The following CSMD2 variants were observed in gnomAD, a reference collection of about 807,000 sequenced individuals.
CSMD2 encodes the protein CUB and Sushi multiple domains 2, also known as CUB and sushi domain-containing protein 2.
In CSMD2, 130 loss-of-function variants were observed where a neutral mutation model predicts 398.5. That is an observed-to-expected ratio of 0.33 (90% CI 0.28 to 0.38). The LOEUF (loss-of-function observed/expected upper bound fraction) is 0.38. Among genes scored for constraint, CSMD2 ranks in the 10% least tolerant of loss-of-function variants. CSMD2 has a pLI of 1.00. For missense variants in CSMD2, 3,829 were observed against 4,764.9 expected (o/e 0.80, Z 5.78); for synonymous variants, 1,828 against 1,908.5 (o/e 0.96, Z 1.10).
At chr1:33,535,144 T>G (rs1033219295) in intron 62 of CSMD2, among the ~76,000 whole-genome samples, 1 of 152,196 alleles carries the variant, frequency 6.6e-6, no homozygotes, top group African/African-American at 2.4e-5. Flanking sequence ...TTATGTGATA[T>G]CCGACATACA....
rs371450400 is a variant in CSMD2, at chr1:33,578,167, G to A, written c.7388-683C>T. Among the ~76,000 whole-genome samples the A allele has an allele frequency of 4.1e-4, 62 of 152,288 alleles. 1 individual carries two copies. In the South Asian group the frequency reaches 0.013, roughly 31 times the overall value. On this transcript the variant is annotated intron_variant, in intron 48 of 70. Coordinates refer to ENST00000373381, the MANE Select transcript of CSMD2 (RefSeq NM_001281956.2). ...CCTGGGACACACATTTCCCTACAGT[G>A]CTCATTTCCCCTCCACATATGGCTT...
At chr1:33,720,204 G>A (rs1294315924) in intron 19 of CSMD2, among the ~76,000 whole-genome samples, 1 of 152,202 alleles carries the variant, frequency 6.6e-6, no homozygotes, top group African/African-American at 2.4e-5. Context: ...TGCTTCTTGA[G>A]TTCCTTATGT....
intron 29 of CSMD2, 56 bp downstream of exon 29, chr1:33,646,592 C>T: frequency 2.5e-6 from 4 of 1,580,284 alleles, no homozygotes; most frequent in South Asian, 1.1e-5. Flanking sequence ...CACTACTTGC[C>T]CTCTGCCTTG....
rs1653566546 is a variant in CSMD2 at position 33,514,289 on chromosome 1, T to C, written c.*2335A>G. 6.6e-6 allele frequency: 1 copy of C among 152,326 alleles called. No homozygotes were observed. The highest frequency in any genetic ancestry group is 1.5e-5 in the Non-Finnish European group (1 of 67,984). The allele number at this position is 152,326 out of a possible 1,614,324, so 9.4% of individuals were successfully genotyped here. ...AAAAAAAAATTTACACCTTTTTTTT[T>C]TTCTTTTTTGGTACTGTACAAACTT... On this transcript the variant is annotated 3_prime_UTR_variant, in exon 71 of 71. Coordinates refer to ENST00000373381, the MANE Select transcript of CSMD2 (RefSeq NM_001281956.2).
chr1:33,714,500 C>A, intron 21 of CSMD2, 87 bp downstream of exon 21: 1 of 1,473,060 alleles, frequency 6.8e-7, no homozygotes, highest in Non-Finnish European at 9.3e-7. Flanking sequence ...GCCTCTTGGC[C>A]TGTGTGCCGT....
chr1:33,739,342 G>A lies in CSMD2; in HGVS notation c.2174-8C>T. 1.9e-6 allele frequency: 3 copies of A among 1,608,748 alleles called. No individual in the cohort carries two copies. The highest frequency in any genetic ancestry group is 2.5e-6 in the Non-Finnish European group (3 of 1,177,314). On this transcript the variant is annotated splice_polypyrimidine_tract_variant and splice_region_variant and intron_variant, in intron 14 of 70. Transcript: ENST00000373381. ...ACTCGTTGTGTCGGAAGGCTGTGTA[G>A]ATGGAGTTCAAGGACATGATCAGAC...
rs558354645 is a variant in CSMD2, at chr1:33,758,470, T to C, written c.1846+14099A>G. 2.6e-5 allele frequency among the ~76,000 whole-genome samples: 4 copies of C among 152,342 alleles called. No individual in the cohort carries two copies. In the East Asian group the frequency reaches 7.7e-4, roughly 29 times the overall value. On this transcript the variant is annotated intron_variant, in intron 13 of 70. Coordinates refer to ENST00000373381, the MANE Select transcript of CSMD2 (RefSeq NM_001281956.2). ...CTTTGTTTATATAATAGCAGCAATATAACACTACTAATAATAATTGTAACA... is the reference window on the plus strand; with the variant it reads ...CTTTGTTTATATAATAGCAGCAATACAACACTACTAATAATAATTGTAACA...
At chr1:34,035,283 A>T (rs902258151) in intron 2 of CSMD2, among the ~76,000 whole-genome samples, 5 of 152,174 alleles carry the variant, frequency 3.3e-5, no homozygotes, top group African/African-American at 1.2e-4. Context: ...TCTACCAAAC[A>T]TATAAAGAAG....
chr1:33,696,549 T>C (rs1645425714), intron 24 of CSMD2, among the ~76,000 whole-genome samples: 1 of 152,082 alleles, frequency 6.6e-6, no homozygotes, highest in African/African-American at 2.4e-5. Context: ...GGGAGGAGGC[T>C]TGACTGGTTC....
At position 33,521,529 on chromosome 1, in the gene CSMD2, C is replaced by T. The variant is rs1362410913; in HGVS notation, c.10531G>A (p.Ala3511Thr). ...DGHVSSESSG[A>T]TFIYQGSVKG... is the part of the protein sequence containing the mutation. ...ACAGAGCCTTGGTAGATGAAGGTGG[C>T]TCCGGAGGACTCTGACGAGACCTGT... Residue 3511 changes from alanine to threonine, a missense_variant, in exon 68 of 71, where the codon GCC (alanine) becomes ACC (threonine). Transcript: ENST00000373381. 5.6e-6 allele frequency: 9 copies of T among 1,612,590 alleles called. No homozygotes were observed. Among genetic ancestry groups the T allele is most frequent in the East Asian group, 2.2e-5 (1 of 44,886 alleles).
intron 6 of CSMD2, among the ~76,000 whole-genome samples, chr1:33,827,334 G>T (rs7527126): frequency 6.6e-6 from 1 of 152,062 alleles, no homozygotes; most frequent in Non-Finnish European, 1.5e-5. Context: ...ATTTGGCCTC[G>T]ATTGCTCTTC....
intron 7 of CSMD2, among the ~76,000 whole-genome samples, chr1:33,825,151 GA>G (rs915364151): frequency 1.3e-5 from 1 of 78,722 alleles, no homozygotes; most frequent in African/African-American, 9.3e-5. Context: ...CCCAAGAAGA[GA>G]GCCCCCAGTG....
rs778890648 is a variant in CSMD2 at position 33,577,482 on chromosome 1, G to A, written c.7390C>T (p.Pro2464Ser). ...GGAGCCCTGGGCAGGCTGCAGTAAG[G>A]GGCTGAACAACAAGATGAGGTTCAG... ...RKGFKIRYSA[P>S]YCSLPRAPLH... is the part of the protein sequence containing the mutation. The change falls in exon 49 of 71, where the codon CCT becomes TCT. Residue 2464 changes from proline to serine, a missense_variant and splice_region_variant. By Grantham distance (74) the Pro-to-Ser change is moderately conservative. Transcript: ENST00000373381. The A allele has an allele frequency of 6.2e-7, 1 of 1,605,482 alleles. No homozygotes were observed. Among genetic ancestry groups the A allele is most frequent in the South Asian group, 1.1e-5 (1 of 90,374 alleles).
chr1:33,650,963 C>T (rs1322700738), intron 28 of CSMD2, among the ~76,000 whole-genome samples: 1 of 152,192 alleles, frequency 6.6e-6, no homozygotes, highest in Non-Finnish European at 1.5e-5. Context: ...TCTTCTTTCA[C>T]TCAGCATAAT....
chr1:33,948,271 G>A (rs1644899402), intron 3 of CSMD2, among the ~76,000 whole-genome samples: 2 of 152,172 alleles, frequency 1.3e-5, no homozygotes, highest in African/African-American at 4.8e-5. Flanking sequence ...CAGGTCCTCT[G>A]AAGTCATAGA....
At chr1:33,545,923 CA>C in intron 57 of CSMD2, 113 bp downstream of exon 57, 1 of 984,156 alleles carries the variant, frequency 1.0e-6, no homozygotes, top group Non-Finnish European at 1.5e-6. Flanking sequence ...GCTGAGGGTT[CA>C]AATGGGGCCA....
At chr1:33,675,806 A>G (rs891722046) in intron 25 of CSMD2, among the ~76,000 whole-genome samples, 4 of 152,274 alleles carry the variant, frequency 2.6e-5, no homozygotes, top group African/African-American at 4.8e-5. Flanking sequence ...GGTTCAACAT[A>G]CGCAAATCAA....
intron 1 of CSMD2, among the ~76,000 whole-genome samples, chr1:34,147,803 G>A (rs1188730537): frequency 6.6e-6 from 1 of 152,188 alleles, no homozygotes; most frequent in Non-Finnish European, 1.5e-5. Context: ...CACAGGGTAT[G>A]GTGTCCTCAG....
chr1:33,794,875 T>C (rs1569980790), intron 10 of CSMD2, among the ~76,000 whole-genome samples: 1 of 150,860 alleles, frequency 6.6e-6, no homozygotes, highest in African/African-American at 2.4e-5. Flanking sequence ...GATGTGGGCC[T>C]GTAGCAAGGT....
Sources: allele counts gnomAD v4.1 joint callset (sites outside exome capture counted in the v4.1 genomes callset), GRCh38; gene constraint gnomAD v4.1.1; transcripts MANE v1.5; gene names NCBI Gene and HGNC (gene_info 2026-07-23, HGNC 2026-07-21).